GPC6: variants seen among roughly 807,000 people sequenced by gnomAD.
The protein encoded by GPC6 is glypican 6, also known as glypican-6.
In GPC6, 14 loss-of-function variants were observed where a neutral mutation model predicts 55.2. That is an observed-to-expected ratio of 0.25 (90% confidence interval 0.17 to 0.40). The LOEUF is 0.40. GPC6 is among the 10% of genes least tolerant of loss of function. The pLI, the probability that GPC6 is intolerant of heterozygous loss-of-function variation, is 1.00. For missense variants in GPC6, 641 were observed against 708.5 expected (o/e 0.90, Z 1.08); for synonymous variants, 278 against 259.6 (o/e 1.07, Z -0.68).
intron 4 of GPC6, among the ~76,000 whole-genome samples, chr13:94,111,784 G>C (rs563441332): frequency 6.6e-6 from 1 of 151,976 alleles, no homozygotes; most frequent in Non-Finnish European, 1.5e-5. Context: ...GCTGGCCCAG[G>C]GTCCAGGATA....
intron 4 of GPC6, among the ~76,000 whole-genome samples, chr13:94,216,543 T>G (rs1198979656): frequency 2.0e-5 from 3 of 152,230 alleles, no homozygotes; most frequent in Non-Finnish European, 2.9e-5. Context: ...AATCCCAGTC[T>G]GAGACTAAAT....
At chr13:93,568,698 T>G (rs1876257070) in intron 2 of GPC6, among the ~76,000 whole-genome samples, 1 of 152,108 alleles carries the variant, frequency 6.6e-6, no homozygotes, top group South Asian at 2.1e-4. Context: ...ACAACAAATA[T>G]CTACAACTTA....
intron 4 of GPC6, among the ~76,000 whole-genome samples, chr13:94,092,697 A>T (rs1885532963): frequency 1.3e-5 from 2 of 152,070 alleles, no homozygotes; most frequent in Admixed American, 6.6e-5. Context: ...AGTTTTGGGG[A>T]ACCTCCACAC....
chr13:93,339,607 AG>A (rs1246716077), intron 1 of GPC6, among the ~76,000 whole-genome samples: 1 of 152,176 alleles, frequency 6.6e-6, no homozygotes, highest in Non-Finnish European at 1.5e-5. Context: ...ATTGGTCGTA[AG>A]GGGTGGAATG....
At chr13:94,083,814 G>C (rs1420280700) in intron 4 of GPC6, among the ~76,000 whole-genome samples, 1 of 152,218 alleles carries the variant, frequency 6.6e-6, no homozygotes, top group Non-Finnish European at 1.5e-5. Context: ...GAGTAACTGA[G>C]TCCTGTCCTC....
At chr13:94,350,617 A>C (rs1878493206) in intron 6 of GPC6, among the ~76,000 whole-genome samples, 1 of 152,288 alleles carries the variant, frequency 6.6e-6, no homozygotes, top group South Asian at 2.1e-4. Context: ...ACATAAATAC[A>C]TGAGATATGA....
In GPC6 at chr13:93,852,851, C is replaced by A. The variant is rs114786347; in HGVS notation, c.711+22306C>A. Among the ~76,000 whole-genome samples, 619 of 151,712 alleles carry A rather than the reference C, an allele frequency of 4.1e-3. 4 individuals are homozygous for A. The highest frequency in any genetic ancestry group is 0.014 in the African/African-American group (572 of 41,490). ...GATATTTCACCCTCTCTCTTATTGG[C>A]TAGTATCATTCCCAGAAGGGATCTG... On this transcript the variant is annotated intron_variant, in intron 3 of 8. Transcript: ENST00000377047.
At chr13:93,485,927 CT>C (rs1006563751) in intron 1 of GPC6, among the ~76,000 whole-genome samples, 2 of 152,108 alleles carry the variant, frequency 1.3e-5, no homozygotes, top group African/African-American at 4.8e-5. Context: ...AGATCATTAT[CT>C]GTTATCTTTC....
At chr13:93,825,320 A>G (rs1887193445) in intron 2 of GPC6, among the ~76,000 whole-genome samples, 1 of 152,184 alleles carries the variant, frequency 6.6e-6, no homozygotes, top group African/African-American at 2.4e-5. Context: ...ACCCCTGCCC[A>G]AAGAAAGAAT....
chr13:94,097,376 G>A (rs367543377), intron 4 of GPC6, among the ~76,000 whole-genome samples: 2 of 151,780 alleles, frequency 1.3e-5, no homozygotes, highest in African/African-American at 4.8e-5. Flanking sequence ...GCGTGGTGGC[G>A]GGCGCCTGTA....
At chr13:93,726,064 C>A (rs1427910842) in intron 2 of GPC6, among the ~76,000 whole-genome samples, 1 of 147,870 alleles carries the variant, frequency 6.8e-6, no homozygotes, top group Non-Finnish European at 1.5e-5. Context: ...TGGAGGACAA[C>A]AAATGCAATC....
rs534779758 is a variant in GPC6, at chr13:94,035,987, G to A, written c.877+8093G>A. Among the ~76,000 whole-genome samples the A allele has an allele frequency of 5.9e-5, 9 of 152,096 alleles. No homozygotes were observed. The East Asian group carries it at 9.7e-4, about 16-fold the overall frequency. On this transcript the variant is annotated intron_variant, in intron 4 of 8. Coordinates refer to ENST00000377047, the MANE Select transcript of GPC6 (RefSeq NM_005708.5). ...AATCTCTTCATCTGGCTGTCTTTGTGACTTGTTTATTGTGAACAACTCTCT... is the reference window on the plus strand; with the variant it reads ...AATCTCTTCATCTGGCTGTCTTTGTAACTTGTTTATTGTGAACAACTCTCT...
chr13:93,990,977 GA>G lies in GPC6; in HGVS notation c.712-36750del, dbSNP rs1881278270. On this transcript the variant is annotated intron_variant, in intron 3 of 8. Coordinates refer to ENST00000377047, the MANE Select transcript of GPC6 (RefSeq NM_005708.5). ...GGAAGGAAAGAAGGAAGGAAGGAAG[GA>G]AGGAAGGAAGTTAGTTCTCAGTGCG... Among the ~76,000 whole-genome samples, 5 of 151,480 alleles carry G rather than the reference GA, an allele frequency of 3.3e-5. No homozygotes were observed. In the South Asian group the frequency reaches 1.0e-3, roughly 32 times the overall value.
At chr13:93,431,899 C>T (rs1877374012) in intron 1 of GPC6, among the ~76,000 whole-genome samples, 1 of 152,070 alleles carries the variant, frequency 6.6e-6, no homozygotes, top group South Asian at 2.1e-4. Context: ...ACTTGTTTTT[C>T]TTGAATGGAT....
intron 3 of GPC6, among the ~76,000 whole-genome samples, chr13:93,845,726 C>T (rs1356522744): frequency 6.7e-6 from 1 of 148,440 alleles, no homozygotes; most frequent in African/African-American, 2.5e-5. Flanking sequence ...AGTAAACTAT[C>T]GCAAGAACAA....
chr13:94,028,478 G>A (rs774966333), intron 4 of GPC6, among the ~76,000 whole-genome samples: 14 of 149,992 alleles, frequency 9.3e-5, no homozygotes, highest in East Asian at 5.9e-4. Context: ...ATGCACTCCC[G>A]TGAGAAAGGA....
At position 94,178,025 on chromosome 13, in the gene GPC6, A is replaced by ATTTTT. The variant is rs767978319; in HGVS notation, c.878-108317_878-108313dup. On this transcript the variant is annotated intron_variant, in intron 4 of 8. Coordinates refer to ENST00000377047, the MANE Select transcript of GPC6 (RefSeq NM_005708.5). ...ATCATTCTTTTTCAGTGGCCTTTTAATTTTTTTTTTTGAGATGGAGTCTCA... is the reference window on the plus strand; with the variant it reads ...ATCATTCTTTTTCAGTGGCCTTTTAATTTTTTTTTTTTTTTTGAGATGGAGTCTCA... Among the ~76,000 whole-genome samples, 7 of 132,992 alleles carry ATTTTT rather than the reference A, an allele frequency of 5.3e-5. No homozygotes were observed. The East Asian group carries it at 8.3e-4, about 16-fold the overall frequency. The allele number at this position is 132,992 out of a possible 152,430, so 87.2% of individuals were successfully genotyped here.
chr13:94,127,879 A>G (rs1259979701), intron 4 of GPC6, among the ~76,000 whole-genome samples: 1 of 152,098 alleles, frequency 6.6e-6, no homozygotes, highest in Non-Finnish European at 1.5e-5. Flanking sequence ...GAATGTTCCT[A>G]TCTGCTATCC....
chr13:94,343,977 C>T (rs189577956), intron 6 of GPC6, among the ~76,000 whole-genome samples: 12 of 152,222 alleles, frequency 7.9e-5, no homozygotes, highest in Admixed American at 4.6e-4. Context: ...GTGAGCCTCC[C>T]GCCTCAGCCT....
Sources: allele counts gnomAD v4.1 joint callset (sites outside exome capture counted in the v4.1 genomes callset), GRCh38; gene constraint gnomAD v4.1.1; transcripts MANE v1.5; gene names NCBI Gene and HGNC (gene_info 2026-07-23, HGNC 2026-07-21).